The following CMTM4 variants were observed in gnomAD, a reference collection of about 807,000 sequenced individuals.
CMTM4 encodes CKLF-like MARVEL transmembrane domain-containing protein 4.
In CMTM4, 8 loss-of-function variants were observed where a neutral mutation model predicts 19.0. The ratio of observed to expected loss-of-function variants is 0.42; its 90% CI spans 0.25 to 0.76. CMTM4 has a LOEUF of 0.76. Ranked by LOEUF, CMTM4 falls within the 30% of genes least tolerant of loss-of-function variation. The pLI is 0.27. For missense variants in CMTM4, 228 were observed against 290.2 expected (o/e 0.79, Z 1.56); for synonymous variants, 106 against 121.1 (o/e 0.88, Z 0.82).
Position 66,696,279 on chromosome 16 carries a change from C to A in CMTM4, c.186+61G>T. 2 of 1,175,822 alleles carry A rather than the reference C, an allele frequency of 1.7e-6. No individual in the cohort carries two copies. Among genetic ancestry groups the A allele is most frequent in the Non-Finnish European group, 1.1e-6 (1 of 925,684 alleles). 72.8% of individuals were successfully genotyped at this position (1,175,822 alleles called of 1,614,324 possible). ...ACGCGGCGGAGGCCCCGCAGCGGGG[C>A]GGGGAGGGAGGCGTGCGGCTAGGCC... is the stretch of plus-strand genomic sequence containing the variant. On this transcript the variant is annotated intron_variant, in intron 1 of 3. Coordinates refer to ENST00000394106, the MANE Select transcript of CMTM4 (RefSeq NM_181521.3). The surrounding 1 kb of genome is among the most constrained non-coding windows in gnomAD (Gnocchi z 4.3).
At chr16:66,663,964 G>A (rs563829861) in intron 1 of CMTM4, among the ~76,000 whole-genome samples, 2 of 152,260 alleles carry the variant, frequency 1.3e-5, no homozygotes, top group East Asian at 3.9e-4. Flanking sequence ...CAGGTGCAGT[G>A]GCACATGCCT....
At position 66,619,227 on chromosome 16, in the gene CMTM4, G is replaced by GA; in HGVS notation, c.*2830dup. ...GAAGGATATCAAAGAGAATCAGAGG[G>GA]AAAAAATACCAAATCCACCCAATCA... On this transcript the variant is annotated 3_prime_UTR_variant, in exon 4 of 4. Transcript: ENST00000394106. 1 of 985,388 alleles carries GA rather than the reference G, an allele frequency of 1.0e-6. No individual in the cohort carries two copies. The highest frequency in any genetic ancestry group is 1.2e-6 in the Non-Finnish European group (1 of 829,926). 61.0% of individuals were successfully genotyped at this position (985,388 alleles called of 1,614,324 possible).
At position 66,618,538 on chromosome 16, in the gene CMTM4, CAT is replaced by C. The variant is rs2015568599; in HGVS notation, c.*3518_*3519del. On this transcript the variant is annotated 3_prime_UTR_variant, in exon 4 of 4. Coordinates refer to ENST00000394106, the MANE Select transcript of CMTM4 (RefSeq NM_181521.3). ...GCACATGGATAGGTGACGGGTTTCT[CAT>C]GTGAATCTACAAGAAAAGGTACGCC... 2.0e-6 allele frequency: 2 copies of C among 985,372 alleles called. No homozygotes were observed. The allele number at this position is 985,372 out of a possible 1,614,324, so 61.0% of individuals were successfully genotyped here.
intron 1 of CMTM4, among the ~76,000 whole-genome samples, chr16:66,671,473 C>G (rs1445453874): frequency 6.6e-6 from 1 of 152,204 alleles, no homozygotes; most frequent in Non-Finnish European, 1.5e-5. Flanking sequence ...ATGGAGAGAA[C>G]AACAATGGTT....
At chr16:66,691,288 A>G (rs746019652) in intron 1 of CMTM4, among the ~76,000 whole-genome samples, 2 of 151,880 alleles carry the variant, frequency 1.3e-5, no homozygotes, top group Non-Finnish European at 2.9e-5. Flanking sequence ...CAGTCTCATT[A>G]GACTGTCTTT....
chr16:66,667,631 T>C (rs2016622762), intron 1 of CMTM4, among the ~76,000 whole-genome samples: 2 of 152,212 alleles, frequency 1.3e-5, no homozygotes, highest in African/African-American at 4.8e-5. Flanking sequence ...GGCTCATGCC[T>C]GTAACCCCGG....
chr16:66,633,132 AAT>A (rs1295679752), intron 2 of CMTM4, among the ~76,000 whole-genome samples: 8 of 129,816 alleles, frequency 6.2e-5, no homozygotes, highest in South Asian at 5.3e-4. Flanking sequence ...TATATATATA[AAT>A]ATATATATAT....
chr16:66,683,359 T>C (rs1290463767), intron 1 of CMTM4, among the ~76,000 whole-genome samples: 1 of 137,206 alleles, frequency 7.3e-6, no homozygotes, highest in East Asian at 2.3e-4. Context: ...TGGCGTGATC[T>C]CGGCTCACTG....
chr16:66,645,851 C>T (rs933851179), intron 1 of CMTM4, among the ~76,000 whole-genome samples: 9 of 151,758 alleles, frequency 5.9e-5, no homozygotes, highest in Admixed American at 5.3e-4. Context: ...TGGTGGTGGG[C>T]GCCTGTAATC....
intron 1 of CMTM4, among the ~76,000 whole-genome samples, chr16:66,689,986 T>G (rs867895590): frequency 6.6e-6 from 1 of 152,190 alleles, no homozygotes; most frequent in Non-Finnish European, 1.5e-5. Flanking sequence ...AGATCGTGGA[T>G]TATAATTTCA....
downstream of CMTM4, chr16:66,610,967 T>C (rs371983153): frequency 1.1e-4 from 44 of 398,434 alleles, no homozygotes; most frequent in South Asian, 3.3e-3. The surrounding 1 kb of genome is among the most constrained non-coding windows in gnomAD (Gnocchi z 4.6). Context: ...CCCAGGCGGT[T>C]TCCTCAGGCT....
At chr16:66,676,837 C>T (rs576178712) in intron 1 of CMTM4, among the ~76,000 whole-genome samples, 1 of 152,186 alleles carries the variant, frequency 6.6e-6, no homozygotes, top group African/African-American at 2.4e-5. Context: ...AAACTTACTA[C>T]AGTAGAACAT....
At chr16:66,670,798 A>T (rs1284392590) in intron 1 of CMTM4, among the ~76,000 whole-genome samples, 4 of 143,912 alleles carry the variant, frequency 2.8e-5, no homozygotes, top group South Asian at 2.2e-4. Context: ...GACTCCATAT[A>T]AAAAAAAAAA....
At chr16:66,606,023 A>AC in the CMTM4 span, among the ~76,000 whole-genome samples, 47 of 148,876 alleles carry the variant, frequency 3.2e-4, no homozygotes, top group South Asian at 8.2e-3. Flanking sequence ...AGTGGCTTGA[A>AC]CCCCCCCATC....
At chr16:66,632,204 C>A (rs1199341586) in intron 2 of CMTM4, among the ~76,000 whole-genome samples, 2 of 152,212 alleles carry the variant, frequency 1.3e-5, no homozygotes, top group African/African-American at 2.4e-5. Flanking sequence ...TGCCCCATAG[C>A]AGACACCACC....
intron 1 of CMTM4, among the ~76,000 whole-genome samples, chr16:66,673,894 C>G (rs1296905284): frequency 6.6e-6 from 1 of 152,228 alleles, no homozygotes; most frequent in African/African-American, 2.4e-5. Context: ...CCTTGGTTAT[C>G]TGAGACAAAG....
chr16:66,613,487 T>C (rs2015460631), downstream of CMTM4: 1 of 243,658 alleles, frequency 4.1e-6, no homozygotes, highest in East Asian at 8.1e-5. Context: ...GGCAGGTCTA[T>C]GGGCCACTGC....
At chr16:66,656,791 G>A (rs2016405372) in intron 1 of CMTM4, among the ~76,000 whole-genome samples, 1 of 152,050 alleles carries the variant, frequency 6.6e-6, no homozygotes, top group Non-Finnish European at 1.5e-5. Context: ...CGTCCCTTCT[G>A]TGGTGTTCCC....
downstream of CMTM4, chr16:66,612,625 G>A (rs140558979): frequency 1.9e-5 from 31 of 1,613,960 alleles, no homozygotes; most frequent in South Asian, 1.1e-4. This position sits in a 1 kb window ranked among gnomAD's most constrained non-coding sequence, Gnocchi z 6.0. Context: ...ATTCCGACTC[G>A]GACTCTGACT....
Sources: allele counts gnomAD v4.1 joint callset (sites outside exome capture counted in the v4.1 genomes callset), GRCh38; gene constraint gnomAD v4.1.1; non-coding constraint Gnocchi (gnomAD v3.1); transcripts MANE v1.5; gene names NCBI Gene and HGNC (gene_info 2026-07-23, HGNC 2026-07-21).